CNTNAP3B: variants seen among roughly 807,000 people sequenced by gnomAD.
The protein encoded by CNTNAP3B is contactin associated protein family member 3B.
In CNTNAP3B, 25 loss-of-function variants were observed where a neutral mutation model predicts 108.9. The ratio of observed to expected loss-of-function variants is 0.23; its 90% confidence interval spans 0.17 to 0.32. CNTNAP3B has a LOEUF of 0.32. Ranked by LOEUF, CNTNAP3B falls within the 10% of genes least tolerant of loss-of-function variation. The pLI, the probability that CNTNAP3B is intolerant of heterozygous loss-of-function variation, is 1.00. For missense variants in CNTNAP3B, 252 were observed against 1,210.4 expected, an observed-to-expected ratio of 0.21 and a Z score of 11.75; for synonymous variants, 103 against 473.4, an observed-to-expected ratio of 0.22 and a Z score of 10.16.
rs796417834 is a variant in CNTNAP3B, at chr9:42,104,295, T to TA, written c.196+333dup. ...TGTGGCAGAACAAAAGAATCCAAGGTAAAAAAAAAAAGGACATGGCAGAAT... is the reference window on the plus strand; with the variant it reads ...TGTGGCAGAACAAAAGAATCCAAGGTAAAAAAAAAAAAGGACATGGCAGAAT... On this transcript the variant is annotated intron_variant, in intron 2 of 23. Coordinates refer to ENST00000377561, the MANE Select transcript of CNTNAP3B (RefSeq NM_001201380.3). Among the ~76,000 whole-genome samples the TA allele has an allele frequency of 1.2e-3, 60 of 49,976 alleles. 10 individuals carry two copies. Among genetic ancestry groups the TA allele is most frequent in the African/African-American group, 2.7e-3 (51 of 18,992 alleles). The allele number at this position is 49,976 out of a possible 152,430, so 32.8% of individuals were successfully genotyped here.
At chr9:41,925,499 A>G (rs62536551) in intron 15 of CNTNAP3B, among the ~76,000 whole-genome samples, 1,558 of 151,812 alleles carry the variant, frequency 0.01, no homozygotes, top group South Asian at 0.04. Flanking sequence ...AGGCTGAGGC[A>G]GGAGAATGAC....
chr9:42,019,632 GC>G, intron 3 of CNTNAP3B, among the ~76,000 whole-genome samples: 1 of 148,930 alleles, frequency 6.7e-6, no homozygotes, highest in Non-Finnish European at 1.5e-5. Flanking sequence ...ATGGTGGCGT[GC>G]CCCTGTAGTC....
At chr9:41,950,958 T>C (rs1283337967) in intron 13 of CNTNAP3B, among the ~76,000 whole-genome samples, 2 of 142,002 alleles carry the variant, frequency 1.4e-5, no homozygotes, top group East Asian at 4.3e-4. Flanking sequence ...GGTTTCATCG[T>C]GTTAGCCAGG....
At position 41,966,921 on chromosome 9, in the gene CNTNAP3B, C is replaced by T. The variant is rs1475698589; in HGVS notation, c.1650-2277G>A. On this transcript the variant is annotated intron_variant, in intron 10 of 23. Transcript: ENST00000377561. ...GGCGGAGCTTGCAGTGAGCCGAGAT[C>T]GTGCCACTGCACTCCAGCCTGGGCG... 6.0e-5 allele frequency among the ~76,000 whole-genome samples: 9 copies of T among 150,168 alleles called. No homozygotes were observed. The South Asian group carries it at 6.4e-4, about 11-fold the overall frequency.
At chr9:42,067,919 A>C (rs1388352227) in intron 3 of CNTNAP3B, among the ~76,000 whole-genome samples, 2 of 130,428 alleles carry the variant, frequency 1.5e-5, no homozygotes, top group Non-Finnish European at 3.2e-5. Context: ...TAGAATATTC[A>C]CTTTTGTTTA....
intron 2 of CNTNAP3B, among the ~76,000 whole-genome samples, chr9:42,089,721 C>T (rs1330933299): frequency 2.0e-5 from 3 of 147,776 alleles, no homozygotes; most frequent in Non-Finnish European, 3.0e-5. Flanking sequence ...GGAAGGACAT[C>T]TGAATAGTGG....
intron 1 of CNTNAP3B, among the ~76,000 whole-genome samples, chr9:42,106,585 GCT>G (rs1828092852): frequency 8.7e-6 from 1 of 114,862 alleles, no homozygotes; most frequent in Non-Finnish European, 1.8e-5. Context: ...CAGCACACAT[GCT>G]CTCTGGATAA....
In CNTNAP3B at chr9:41,940,687, A is replaced by C. The variant is rs1329805260; in HGVS notation, c.2081-2287T>G. On this transcript the variant is annotated intron_variant, in intron 13 of 23. Transcript: ENST00000377561. Reference sequence around the variant, plus strand: ...AAAAATAGACGAGCGTAGCGGCGGGAGCCTGTAGTCCCAGCTACTCAGGAG... The same window carrying C: ...AAAAATAGACGAGCGTAGCGGCGGGCGCCTGTAGTCCCAGCTACTCAGGAG... 8.8e-3 allele frequency among the ~76,000 whole-genome samples: 1,322 copies of C among 150,992 alleles called. 2 individuals carry two copies. The highest frequency in any genetic ancestry group is 0.031 in the African/African-American group (1,256 of 40,440).
chr9:41,990,810 A>C (rs1825792192), intron 8 of CNTNAP3B, among the ~76,000 whole-genome samples: 1 of 137,846 alleles, frequency 7.3e-6, no homozygotes, highest in Non-Finnish European at 1.5e-5. Flanking sequence ...ATCTGACTGC[A>C]TGTGAGATTA....
rs576126435 is a variant in CNTNAP3B at position 41,953,379 on chromosome 9, G to T, written c.1884C>A (p.Ser628=). The stretch of plus-strand genomic sequence containing the variant: ...CACCGTGCCGCACCACCGTCCACGC[G>T]GAGTCTGCTGAGCAGAAACGGGCAA... The part of the protein sequence containing the change: ...FLVYCNMTAD[S]AWTVVRHGGP... The change falls in exon 13 of 24, where the codon TCC becomes TCA. Residue 628 remains serine (S), a synonymous_variant. Coordinates refer to ENST00000377561, the MANE Select transcript of CNTNAP3B (RefSeq NM_001201380.3). 141 of 1,546,886 alleles carry T rather than the reference G, an allele frequency of 9.1e-5. No homozygotes were observed. The East Asian group carries it at 2.3e-3, about 25-fold the overall frequency.
chr9:41,961,643 G>A (rs1344180722), intron 11 of CNTNAP3B, among the ~76,000 whole-genome samples: 3 of 152,174 alleles, frequency 2.0e-5, no homozygotes, highest in Admixed American at 6.5e-5. Flanking sequence ...GAGATAAATG[G>A]AATTTATAAG....
chr9:42,074,491 C>T (rs1304746517), intron 3 of CNTNAP3B, among the ~76,000 whole-genome samples: 1 of 141,982 alleles, frequency 7.0e-6, no homozygotes, highest in Non-Finnish European at 1.5e-5. Flanking sequence ...TGAACACTCA[C>T]AAGAACCATC....
rs1318664294 is a variant in CNTNAP3B, at chr9:42,077,050, C to T, written c.209G>A (p.Trp70Ter). 9.1e-6 allele frequency: 14 copies of T among 1,536,950 alleles called. 1 individual carries two copies. Among genetic ancestry groups the T allele is most frequent in the East Asian group, 4.8e-5 (2 of 41,702 alleles). Residue 70 changes from tryptophan to a stop codon, truncating the protein, a stop_gained, in exon 3 of 24, where the codon TGG (tryptophan) becomes TAG (stop). Coordinates refer to ENST00000377561, the MANE Select transcript of CNTNAP3B (RefSeq NM_001201380.3). LOFTEE classifies it high-confidence loss of function. ...GTATTTATTTGACACAAGTGGGGTCCAGCCACCAGCTCCTTTTTTGAAACA... is the reference window on the plus strand; with the variant it reads ...GTATTTATTTGACACAAGTGGGGTCTAGCCACCAGCTCCTTTTTTGAAACA... ...RLNRRDGAGG[W>*]TPLVSNKYQW...
intron 10 of CNTNAP3B, among the ~76,000 whole-genome samples, chr9:41,968,737 T>C (rs1825354909): frequency 6.9e-6 from 1 of 145,094 alleles, no homozygotes; most frequent in African/African-American, 2.6e-5. Flanking sequence ...AAAACAGAAT[T>C]GACTAACTGA....
At chr9:41,991,960 CT>C in intron 7 of CNTNAP3B, 89 bp from the exon 8 acceptor site, 1 of 625,656 alleles carries the variant, frequency 1.6e-6, no homozygotes, top group Non-Finnish European at 2.8e-6. Context: ...ACGTACAAGG[CT>C]TTTTATCAAT....
At chr9:42,056,559 C>A (rs1827076012) in intron 3 of CNTNAP3B, among the ~76,000 whole-genome samples, 1 of 137,630 alleles carries the variant, frequency 7.3e-6, no homozygotes, top group Non-Finnish European at 1.6e-5. Context: ...ACCGGGTTAG[C>A]CAGGATGGTC....
intron 13 of CNTNAP3B, among the ~76,000 whole-genome samples, chr9:41,950,754 T>A (rs1824652039): frequency 7.6e-6 from 1 of 132,416 alleles, no homozygotes; most frequent in Non-Finnish European, 1.6e-5. Flanking sequence ...ATTCTTTTTT[T>A]TTTTTTTTTT....
chr9:42,010,498 T>C lies in CNTNAP3B; in HGVS notation c.538+2880A>G, dbSNP rs1286845325. ...GCCTAAGATTCTGGGAGTTCCCCTTTGTTCTTGAGAGATGCCCTCAAAGGC... is the reference window on the plus strand; with the variant it reads ...GCCTAAGATTCTGGGAGTTCCCCTTCGTTCTTGAGAGATGCCCTCAAAGGC... On this transcript the variant is annotated intron_variant, in intron 4 of 23. Transcript: ENST00000377561. 6.5e-5 allele frequency among the ~76,000 whole-genome samples: 9 copies of C among 138,118 alleles called. 1 individual carries two copies. The East Asian group carries it at 2.0e-3, about 31-fold the overall frequency. The allele number at this position is 138,118 out of a possible 152,430, so 90.6% of individuals were successfully genotyped here. A position where few individuals can be genotyped will look rare whatever the true frequency, so the allele number is the denominator to read the frequency against.
chr9:41,923,504 G>T (rs1259953390), intron 16 of CNTNAP3B, among the ~76,000 whole-genome samples: 1 of 152,240 alleles, frequency 6.6e-6, no homozygotes, highest in South Asian at 2.1e-4. Context: ...GTTCACACCT[G>T]TAATCCCAGC....
Sources: gnomAD v4.1 joint callset for allele counts (sites outside exome capture counted in the v4.1 genomes callset) on GRCh38, gnomAD v4.1.1 for gene constraint, MANE v1.5 for transcripts, NCBI Gene and HGNC (gene_info 2026-07-23, HGNC 2026-07-21) for gene names.